BTBD8: variants seen among roughly 807,000 people sequenced by gnomAD.
BTBD8 encodes BTB/POZ domain-containing protein 8.
In BTBD8, 110 loss-of-function variants were observed where a neutral mutation model predicts 162.9. The observed-to-expected ratio is 0.68, with a 90% CI of 0.58 to 0.79. The LOEUF is 0.79. Among genes scored for constraint, BTBD8 ranks in the 30% least tolerant of loss-of-function variants. BTBD8 has a pLI of 0.00. For synonymous variants in BTBD8, 667 were observed against 716.1 expected (o/e 0.93, Z 1.10); for missense variants, 1,905 against 2,085.4 (o/e 0.91, Z 1.68).
At chr1:92,084,585 G>A (rs1570710394) in intron 1 of BTBD8, among the ~76,000 whole-genome samples, 1 of 152,164 alleles carries the variant, frequency 6.6e-6, no homozygotes, top group East Asian at 1.9e-4. Flanking sequence ...TGTTTGCAAG[G>A]GTTTGCAGTT....
At chr1:92,136,199 A>G (rs186094510) in intron 5 of BTBD8, among the ~76,000 whole-genome samples, 2 of 152,340 alleles carry the variant, frequency 1.3e-5, no homozygotes, top group East Asian at 3.9e-4. Context: ...GTTTGAGAAG[A>G]TGCTGTAAGT....
In BTBD8 at chr1:92,091,451, GTGTGTGTGTGTGTATGTGTA is replaced by G. The variant is rs1268218432; in HGVS notation, c.347+2568_347+2587del. 2.1e-5 allele frequency among the ~76,000 whole-genome samples: 3 copies of G among 143,890 alleles called. No homozygotes were observed. The East Asian group carries it at 5.8e-4, about 28-fold the overall frequency. The allele number at this position is 143,890 out of a possible 152,430, so 94.4% of individuals were successfully genotyped here. On this transcript the variant is annotated intron_variant, in intron 2 of 17. Coordinates refer to ENST00000636805, the MANE Select transcript of BTBD8 (RefSeq NM_001376131.1). ...AGTGTGAGAACGGACTAATACACTC[GTGTGTGTGTGTGTATGTGTA>G]TGTGTGTGTGTATGTATATATTTTT...
chr1:92,180,087 AT>A (rs1349481942), intron 16 of BTBD8, among the ~76,000 whole-genome samples, 177 bp from the exon 17 acceptor site: 7 of 152,026 alleles, frequency 4.6e-5, no homozygotes, highest in Non-Finnish European at 1.0e-4. Context: ...AAATTTTTTT[AT>A]TTTATCATGT....
chr1:92,181,504 C>T lies in BTBD8; in HGVS notation c.3821C>T (p.Ser1274Phe). Reference sequence around the variant, plus strand: ...TCTGAAGACTATGATGCTGGAGGGTCTCAGGATGATGATGGGTCAAATGAC... The same window carrying T: ...TCTGAAGACTATGATGCTGGAGGGTTTCAGGATGATGATGGGTCAAATGAC... ...PRSEDYDAGG[S>F]QDDDGSNDRG... is the part of the protein sequence containing the mutation. Residue 1274 changes from serine to phenylalanine, a missense_variant, in exon 17 of 18, where the codon TCT (serine) becomes TTT (phenylalanine). Ser to Phe is a radical substitution (Grantham distance 155). Coordinates refer to ENST00000636805, the MANE Select transcript of BTBD8 (RefSeq NM_001376131.1). The T allele has an allele frequency of 6.4e-7, 1 of 1,551,666 alleles. No homozygotes were observed. Among genetic ancestry groups the T allele is most frequent in the South Asian group, 1.2e-5 (1 of 84,046 alleles).
intron 1 of BTBD8, among the ~76,000 whole-genome samples, chr1:92,088,060 A>T (rs1648206917): frequency 6.6e-6 from 1 of 152,212 alleles, no homozygotes; most frequent in Non-Finnish European, 1.5e-5. Context: ...AGGGATTTGA[A>T]AGGATCACGA....
intron 3 of BTBD8, among the ~76,000 whole-genome samples, chr1:92,107,478 G>A (rs1375062400): frequency 5.3e-5 from 8 of 152,152 alleles, no homozygotes; most frequent in Middle Eastern, 6.8e-3. Context: ...ACTATTCATT[G>A]CAGTAACATG....
At chr1:92,133,103 T>C (rs569668164) in intron 5 of BTBD8, among the ~76,000 whole-genome samples, 1 of 152,308 alleles carries the variant, frequency 6.6e-6, no homozygotes, top group African/African-American at 2.4e-5. Flanking sequence ...AATTTGTATA[T>C]TGAAACAATA....
rs542113084 is a variant in BTBD8, at chr1:92,182,335, G to A, written c.4652G>A (p.Arg1551Gln). The change falls in exon 17 of 18, where the codon CGA becomes CAA. Residue 1551 changes from arginine to glutamine, a missense_variant. By Grantham distance (43) the Arg-to-Gln change is conservative. This residue lies in a region of BTBD8 where 517 missense variants were observed against 606.6 expected (regional missense o/e 0.85). Coordinates refer to ENST00000636805, the MANE Select transcript of BTBD8 (RefSeq NM_001376131.1). ...TCCAGTAGAAGCAGACAGCTTCTTCGAGAAGATAAAAAAGTAAACAATGGA... is the reference window on the plus strand; with the variant it reads ...TCCAGTAGAAGCAGACAGCTTCTTCAAGAAGATAAAAAAGTAAACAATGGA... ...VLSSRSRQLL[R>Q]EDKKVNNGSN... The A allele has an allele frequency of 5.2e-6, 8 of 1,550,640 alleles. No homozygotes were observed. Among genetic ancestry groups the A allele is most frequent in the South Asian group, 2.4e-5 (2 of 83,724 alleles).
At position 92,180,785 on chromosome 1, in the gene BTBD8, G is replaced by T. The variant is rs1352239302; in HGVS notation, c.3102G>T (p.Leu1034=). The part of the protein sequence containing the change: ...LALECQNISK[L]DKSLKHELES... ...TAGAATGCCAAAATATTTCAAAGCT[G>T]GATAAATCATTAAAACACGAACTGG... Residue 1034 remains leucine, a synonymous_variant, in exon 17 of 18, where the codon CTG becomes CTT. Transcript: ENST00000636805. 2 of 1,551,568 alleles carry T rather than the reference G, an allele frequency of 1.3e-6. No individual in the cohort carries two copies. The highest frequency in any genetic ancestry group is 1.7e-6 in the Non-Finnish European group (2 of 1,146,966).
chr1:92,173,965 T>G (rs182797894), intron 13 of BTBD8, among the ~76,000 whole-genome samples: 181 of 152,098 alleles, frequency 1.2e-3, no homozygotes, highest in African/African-American at 3.3e-3. Context: ...TGGTGGTGGT[T>G]GTTGTTGCCT....
chr1:92,122,102 G>A lies in BTBD8; in HGVS notation c.663-7585G>A, dbSNP rs571042712. On this transcript the variant is annotated intron_variant, in intron 4 of 17. Coordinates refer to ENST00000636805, the MANE Select transcript of BTBD8 (RefSeq NM_001376131.1). ...TTGTGTCTGGCCTCTTTTGTTCAGT[G>A]TAATGTTTTTGAGCTTCATCCTTGC... Among the ~76,000 whole-genome samples the A allele has an allele frequency of 4.6e-5, 7 of 152,196 alleles. No individual in the cohort carries two copies. In the South Asian group the frequency reaches 1.5e-3, roughly 32 times the overall value.
chr1:92,169,066 C>T (rs1458369036), intron 12 of BTBD8, 71 bp downstream of exon 12: 42 of 1,383,112 alleles, frequency 3.0e-5, no homozygotes, highest in Non-Finnish European at 3.9e-5. Context: ...TGAGGGCATT[C>T]TGATAAGTGA....
chr1:92,118,282 C>CTTTT (rs3040583), intron 4 of BTBD8, among the ~76,000 whole-genome samples: 108 of 122,040 alleles, frequency 8.8e-4, no homozygotes, highest in Non-Finnish European at 1.2e-3. Context: ...TTCAGACTTT[C>CTTTT]TTTTTTTTTT....
chr1:92,111,811 G>A (rs1247206147), intron 4 of BTBD8, among the ~76,000 whole-genome samples: 1 of 152,082 alleles, frequency 6.6e-6, no homozygotes, highest in Non-Finnish European at 1.5e-5. Flanking sequence ...CACATATGTT[G>A]CCTGTTCTAG....
intron 5 of BTBD8, among the ~76,000 whole-genome samples, chr1:92,135,977 G>A (rs1041330637): frequency 6.6e-6 from 1 of 152,126 alleles, no homozygotes; most frequent in Non-Finnish European, 1.5e-5. Context: ...GCAAACTACA[G>A]ATAATATGCT....
At position 92,085,506 on chromosome 1, in the gene BTBD8, C is replaced by T. The variant is rs145447993; in HGVS notation, c.150-3192C>T. 6.5e-3 allele frequency among the ~76,000 whole-genome samples: 995 copies of T among 152,060 alleles called. 8 individuals are homozygous for T. The highest frequency in any genetic ancestry group is 0.024 in the Middle Eastern group (7 of 294). On this transcript the variant is annotated intron_variant, in intron 1 of 17. Coordinates refer to ENST00000636805, the MANE Select transcript of BTBD8 (RefSeq NM_001376131.1). ...ACTCAGGAGGCTGAGGCAGGAGAATCGCTTGAACCTAGGAGGTAGAGGTGC... is the reference window on the plus strand; with the variant it reads ...ACTCAGGAGGCTGAGGCAGGAGAATTGCTTGAACCTAGGAGGTAGAGGTGC...
At chr1:92,104,702 T>C (rs1648678983) in intron 3 of BTBD8, among the ~76,000 whole-genome samples, 1 of 152,194 alleles carries the variant, frequency 6.6e-6, no homozygotes. Context: ...CAGACATTTT[T>C]TTGCCTACAT....
rs1650637806 is a variant in BTBD8, at chr1:92,174,244, G to A, written c.1636-2585G>A. Among the ~76,000 whole-genome samples the A allele has an allele frequency of 2.6e-5, 4 of 152,140 alleles. No individual in the cohort carries two copies. In the South Asian group the frequency reaches 8.3e-4, roughly 32 times the overall value. On this transcript the variant is annotated intron_variant, in intron 13 of 17. Coordinates refer to ENST00000636805, the MANE Select transcript of BTBD8 (RefSeq NM_001376131.1). ...CTCACTCTGTCACCCAGGCTGGAGT[G>A]GAGTGACACAATCACAACTCACTGC...
chr1:92,140,840 C>G (rs1649759366), intron 6 of BTBD8, among the ~76,000 whole-genome samples: 1 of 152,146 alleles, frequency 6.6e-6, no homozygotes, highest in Admixed American at 6.5e-5. Context: ...GGATTTTGTT[C>G]TGTATGTCAC....
Sources: allele counts gnomAD v4.1 joint callset (sites outside exome capture counted in the v4.1 genomes callset), GRCh38; gene constraint gnomAD v4.1.1; regional missense constraint gnomAD v4.1.1; transcripts MANE v1.5; gene names NCBI Gene and HGNC (gene_info 2026-07-23, HGNC 2026-07-21).